MRS2: variants seen among roughly 807,000 people sequenced by gnomAD.
MRS2 encodes the protein magnesium transporter MRS2.
A neutral mutation model predicts 52.6 loss-of-function variants in MRS2; 40 were observed. That is an observed-to-expected ratio of 0.76 (90% CI 0.59 to 0.99). The LOEUF is 0.99. MRS2 is among the 50% of genes least tolerant of loss of function. MRS2 has a pLI of 0.00. For missense variants in MRS2, 472 were observed against 532.7 expected, an observed-to-expected ratio of 0.89 and a Z score of 1.12; for synonymous variants, 193 against 195.9, an observed-to-expected ratio of 0.98 and a Z score of 0.13.
chr6:24,418,381 T>C (rs1398561126), intron 8 of MRS2, 80 bp from the exon 9 acceptor site: 11 of 1,565,574 alleles, frequency 7.0e-6, no homozygotes, highest in Non-Finnish European at 8.6e-6. Flanking sequence ...GTTTCATCCA[T>C]GTGGTCTGTA....
chr6:24,404,498 T>C (rs1342952887), intron 1 of MRS2, among the ~76,000 whole-genome samples: 1 of 152,138 alleles, frequency 6.6e-6, no homozygotes, highest in African/African-American at 2.4e-5. Context: ...CTGGAATCAG[T>C]GTAATTACTT....
At chr6:24,423,090 T>C in intron 10 of MRS2, 40 bp downstream of exon 10, 1 of 1,519,196 alleles carries the variant, frequency 6.6e-7, no homozygotes, top group Non-Finnish European at 9.1e-7. Flanking sequence ...GTGGAAGGGT[T>C]ATGATCATGG....
At chr6:24,419,733 T>C (rs1034468578) in intron 9 of MRS2, among the ~76,000 whole-genome samples, 1 of 152,228 alleles carries the variant, frequency 6.6e-6, no homozygotes, top group African/African-American at 2.4e-5. Context: ...TGTACAGTCA[T>C]CCCTCAGTAT....
chr6:24,406,413 C>T (rs1316771511), intron 2 of MRS2, among the ~76,000 whole-genome samples: 1 of 152,066 alleles, frequency 6.6e-6, no homozygotes, highest in Non-Finnish European at 1.5e-5. Context: ...AAATAACCCC[C>T]AGAATTGCGT....
At chr6:24,420,111 C>T (rs1195942159) in intron 9 of MRS2, among the ~76,000 whole-genome samples, 5 of 152,206 alleles carry the variant, frequency 3.3e-5, no homozygotes, top group Admixed American at 2.0e-4. Context: ...AAATCCCGTC[C>T]TGCCGCACCG....
intron 9 of MRS2, among the ~76,000 whole-genome samples, chr6:24,420,989 G>C (rs942243982): frequency 6.6e-6 from 1 of 152,136 alleles, no homozygotes; most frequent in Admixed American, 6.5e-5. Context: ...GGAAAGTTCA[G>C]AAGCAAGCAG....
chr6:24,418,343 C>T (rs1761925027), intron 8 of MRS2, 107 bp downstream of exon 8: 1 of 1,510,616 alleles, frequency 6.6e-7, no homozygotes. Context: ...ATCTATACTA[C>T]ATTATTATTA....
At chr6:24,415,245 TTTTA>T (rs1761808442) in intron 6 of MRS2, 82 bp downstream of exon 6, 1 of 1,431,758 alleles carries the variant, frequency 7.0e-7, no homozygotes, top group Non-Finnish European at 9.4e-7. Flanking sequence ...TCATAACTTT[TTTTA>T]AAGTATGAAA....
chr6:24,412,107 C>T, intron 4 of MRS2, 115 bp from the exon 5 acceptor site: 1 of 539,814 alleles, frequency 1.9e-6, no homozygotes, highest in Non-Finnish European at 2.8e-6. Flanking sequence ...GTTCTTTTTT[C>T]CTACAGCTCT....
chr6:24,422,721 T>C (rs540209651), intron 9 of MRS2, among the ~76,000 whole-genome samples: 3 of 152,322 alleles, frequency 2.0e-5, no homozygotes, highest in African/African-American at 4.8e-5. Context: ...ATTTGGCATA[T>C]AGATGATTTT....
Position 24,416,528 on chromosome 6 carries a change from A to T in MRS2, c.836+15A>T. The T allele has an allele frequency of 8.2e-7, 1 of 1,216,910 alleles. No individual in the cohort carries two copies. Among genetic ancestry groups the T allele is most frequent in the Non-Finnish European group, 1.2e-6 (1 of 833,306 alleles). The allele number at this position is 1,216,910 out of a possible 1,614,324, so 75.4% of individuals were successfully genotyped here. On this transcript the variant is annotated intron_variant, in intron 7 of 10. Transcript: ENST00000378386. The stretch of plus-strand genomic sequence containing the variant: ...CCACAAGTCTTGTAAGTATATAATT[A>T]TACTTTGTTATTTATTTCCTTAGAG...
rs984842224 is a variant in MRS2 at position 24,423,794 on chromosome 6, A to C, written c.*100A>C. 2.1e-6 allele frequency: 1 copy of C among 485,354 alleles called. No homozygotes were observed. The highest frequency in any genetic ancestry group is 3.6e-6 in the Non-Finnish European group (1 of 276,474). The allele number at this position is 485,354 out of a possible 1,614,324, so 30.1% of individuals were successfully genotyped here. The stretch of plus-strand genomic sequence containing the variant: ...TTGTATAGAGTCAGACACTTGAAAA[A>C]AACTAATGTTTGAAGACAAAAATAT... On this transcript the variant is annotated 3_prime_UTR_variant, in exon 11 of 11. Transcript: ENST00000378386.
intron 2 of MRS2, 74 bp downstream of exon 2, chr6:24,405,315 G>A: frequency 9.4e-7 from 1 of 1,067,398 alleles, no homozygotes; most frequent in Non-Finnish European, 1.4e-6. Flanking sequence ...TGGACTGTTG[G>A]CCAAGATACT....
At chr6:24,412,000 A>AG (rs1761675331) in intron 4 of MRS2, among the ~76,000 whole-genome samples, 1 of 151,004 alleles carries the variant, frequency 6.6e-6, no homozygotes, top group East Asian at 1.9e-4. Context: ...TTCTTTTGAA[A>AG]AAAAAAACCT....
At chr6:24,423,423 C>T (rs139843574) in intron 10 of MRS2, 161 bp from the exon 11 acceptor site, 2 of 484,226 alleles carry the variant, frequency 4.1e-6, no homozygotes, top group Non-Finnish European at 7.4e-6. Flanking sequence ...AAATTCACCT[C>T]CATTTTCTTT....
rs560054957 is a variant in MRS2 at position 24,419,879 on chromosome 6, T to C, written c.1107+1301T>C. ...ACCCACTGACTGTGTTTTCACAGAATAGCTTATTGTAAGTTTTCTAGAACT... is the reference window on the plus strand; with the variant it reads ...ACCCACTGACTGTGTTTTCACAGAACAGCTTATTGTAAGTTTTCTAGAACT... On this transcript the variant is annotated intron_variant, in intron 9 of 10. Coordinates refer to ENST00000378386, the MANE Select transcript of MRS2 (RefSeq NM_020662.4). Among the ~76,000 whole-genome samples, 7 of 152,202 alleles carry C rather than the reference T, an allele frequency of 4.6e-5. No individual in the cohort carries two copies. In the East Asian group the frequency reaches 1.3e-3, roughly 29 times the overall value.
At chr6:24,418,972 C>T (rs115041969) in intron 9 of MRS2, 2,379 of 163,870 alleles carry the variant, frequency 0.015, 25 homozygotes, top group Non-Finnish European at 0.022. Context: ...CACCTTGGCT[C>T]AACGCCTGTA....
At chr6:24,419,536 A>G (rs1253366278) in intron 9 of MRS2, among the ~76,000 whole-genome samples, 1 of 152,198 alleles carries the variant, frequency 6.6e-6, no homozygotes, top group Non-Finnish European at 1.5e-5. Flanking sequence ...CTGAAAATAG[A>G]TATATTATCC....
Position 24,426,018 on chromosome 6 carries a change from C to T in MRS2, c.*2324C>T, listed in dbSNP as rs900954437. 6.6e-6 allele frequency: 1 copy of T among 152,192 alleles called. No individual in the cohort carries two copies. The highest frequency in any genetic ancestry group is 1.5e-5 in the Non-Finnish European group (1 of 68,042). 9.4% of individuals were successfully genotyped at this position (152,192 alleles called of 1,614,324 possible). ...TGCAGAGACCCTAGTTTTGTCCCCA[C>T]TCCATCTTCAAATAATTTTGGTCTC... On this transcript the variant is annotated 3_prime_UTR_variant, in exon 11 of 11. Coordinates refer to ENST00000378386, the MANE Select transcript of MRS2 (RefSeq NM_020662.4).
Sources: gnomAD v4.1 joint callset for allele counts (sites outside exome capture counted in the v4.1 genomes callset) on GRCh38, gnomAD v4.1.1 for gene constraint, MANE v1.5 for transcripts, NCBI Gene and HGNC (gene_info 2026-07-23, HGNC 2026-07-21) for gene names.